Variants in NRXN3 observed in about 807,000 individuals in gnomAD.
NRXN3 encodes the protein neurexin III.
NRXN3 carries 32 observed loss-of-function variants against 137.6 expected under a neutral mutation model. That is an observed-to-expected ratio of 0.23 (90% CI 0.18 to 0.31). The LOEUF is 0.31. Ranked by LOEUF, NRXN3 falls within the 10% of genes least tolerant of loss-of-function variation. The probability of loss-of-function intolerance (pLI) is 1.00; values close to 1 mark genes in which losing one functional copy is unlikely to be tolerated. For missense variants in NRXN3, 1,574 were observed against 2,062.5 expected, an observed-to-expected ratio of 0.76 and a Z score of 4.59; for synonymous variants, 798 against 784.5, an observed-to-expected ratio of 1.02 and a Z score of -0.29.
chr14:79,120,275 T>C (rs1277423310), intron 15 of NRXN3, among the ~76,000 whole-genome samples: 1 of 152,156 alleles, frequency 6.6e-6, no homozygotes, highest in African/African-American at 2.4e-5. Flanking sequence ...ATCAACAAAA[T>C]TCCAGAGAAC....
At chr14:79,254,990 C>G (rs1244866822) in intron 15 of NRXN3, among the ~76,000 whole-genome samples, 1 of 152,132 alleles carries the variant, frequency 6.6e-6, no homozygotes, top group Non-Finnish European at 1.5e-5. Context: ...CGCTAACTCC[C>G]ATAATTGCTT....
At chr14:79,736,568 G>A (rs575852978) in intron 19 of NRXN3, among the ~76,000 whole-genome samples, 1 of 152,160 alleles carries the variant, frequency 6.6e-6, no homozygotes, top group Non-Finnish European at 1.5e-5. Flanking sequence ...ACACCAGGTC[G>A]TGGGGGTGAC....
chr14:78,287,075 A>G (rs934296137), intron 3 of NRXN3, among the ~76,000 whole-genome samples: 3 of 152,202 alleles, frequency 2.0e-5, no homozygotes, highest in Non-Finnish European at 2.9e-5. Context: ...TCACTAAACT[A>G]GGATAGTTCT....
intron 15 of NRXN3, among the ~76,000 whole-genome samples, chr14:79,045,529 A>G (rs1207708602): frequency 2.0e-5 from 3 of 152,118 alleles, no homozygotes; most frequent in African/African-American, 7.2e-5. Flanking sequence ...TAAACCACCT[A>G]GAACAAAGGG....
At position 79,267,218 on chromosome 14, in the gene NRXN3, T is replaced by C. The variant is rs1414461785; in HGVS notation, c.3263-200003T>C. On this transcript the variant is annotated intron_variant, in intron 15 of 20. Transcript: ENST00000335750. ...AAGAGAGATAATAATTTGATCACAG[T>C]TCTCTTTCTAAAAGCATTGCTTTAA... Among the ~76,000 whole-genome samples the C allele has an allele frequency of 3.3e-5, 5 of 152,278 alleles. No homozygotes were observed. The South Asian group carries it at 1.0e-3, about 32-fold the overall frequency.
At chr14:79,031,949 A>G (rs904959639) in intron 15 of NRXN3, among the ~76,000 whole-genome samples, 2 of 152,138 alleles carry the variant, frequency 1.3e-5, no homozygotes, top group African/African-American at 4.8e-5. Flanking sequence ...TTTTCTGAAC[A>G]TTCCTCCCCT....
chr14:78,279,240 A>G (rs2074058772), intron 3 of NRXN3, among the ~76,000 whole-genome samples: 1 of 152,250 alleles, frequency 6.6e-6, no homozygotes, highest in Admixed American at 6.5e-5. Flanking sequence ...GTCAATGGAA[A>G]AATTAAAGAA....
intron 19 of NRXN3, among the ~76,000 whole-genome samples, chr14:79,750,674 T>C (rs1010668783): frequency 2.0e-5 from 3 of 152,148 alleles, no homozygotes; most frequent in African/African-American, 4.8e-5. Context: ...GGTTATAGTA[T>C]TCAATGCCAT....
At chr14:79,344,110 T>C (rs1384799148) in intron 15 of NRXN3, among the ~76,000 whole-genome samples, 2 of 152,166 alleles carry the variant, frequency 1.3e-5, no homozygotes, top group African/African-American at 4.8e-5. Context: ...CACTTCTCTC[T>C]CAGGACTTTG....
At chr14:78,926,447 T>C (rs1179094908) in intron 10 of NRXN3, among the ~76,000 whole-genome samples, 1 of 149,960 alleles carries the variant, frequency 6.7e-6, no homozygotes, top group Non-Finnish European at 1.5e-5. Flanking sequence ...TGTTCATTGA[T>C]AACATAATTT....
At chr14:79,350,525 ACTCT>A (rs1370150114) in intron 15 of NRXN3, among the ~76,000 whole-genome samples, 1 of 151,794 alleles carries the variant, frequency 6.6e-6, no homozygotes, top group Admixed American at 6.6e-5. Context: ...AAGTCCATAA[ACTCT>A]CTCTTCTGCA....
chr14:79,859,734 G>A (rs143800757), intron 20 of NRXN3, among the ~76,000 whole-genome samples: 122 of 152,300 alleles, frequency 8.0e-4, no homozygotes, highest in African/African-American at 2.8e-3. Flanking sequence ...ACACACGTAC[G>A]TGGTACCAGT....
At chr14:79,253,557 G>C (rs2076209572) in intron 15 of NRXN3, among the ~76,000 whole-genome samples, 1 of 152,166 alleles carries the variant, frequency 6.6e-6, no homozygotes, top group Admixed American at 6.5e-5. Flanking sequence ...TATACTACCT[G>C]AAACAGGGTA....
intron 3 of NRXN3, chr14:78,282,166 C>G: frequency 2.0e-6 from 1 of 498,724 alleles, no homozygotes; most frequent in Non-Finnish European, 4.0e-6. Flanking sequence ...TTATCCCATG[C>G]TTTTGTACAT....
chr14:79,342,906 A>G (rs916696835), intron 15 of NRXN3, among the ~76,000 whole-genome samples: 1 of 152,186 alleles, frequency 6.6e-6, no homozygotes, highest in Non-Finnish European at 1.5e-5. Flanking sequence ...CTATTACTCA[A>G]ATCAGTTTCC....
At chr14:78,792,127 G>A (rs543239677) in intron 8 of NRXN3, among the ~76,000 whole-genome samples, 50 of 150,936 alleles carry the variant, frequency 3.3e-4, no homozygotes, top group Admixed American at 1.6e-3. Flanking sequence ...AAAATTTCCC[G>A]TGAGCTACAT....
chr14:79,805,432 A>G (rs931423926), intron 20 of NRXN3, among the ~76,000 whole-genome samples: 9 of 152,128 alleles, frequency 5.9e-5, no homozygotes, highest in Non-Finnish European at 1.2e-4. Flanking sequence ...ATAGCTAACA[A>G]AAAATCATGG....
intron 15 of NRXN3, among the ~76,000 whole-genome samples, chr14:79,096,337 T>G (rs2050328624): frequency 6.6e-6 from 1 of 152,120 alleles, no homozygotes. Context: ...CTCTAACTCC[T>G]GAGCTCAGGC....
chr14:79,519,215 C>T (rs543243208), intron 16 of NRXN3, among the ~76,000 whole-genome samples: 4 of 152,150 alleles, frequency 2.6e-5, no homozygotes, highest in African/African-American at 4.8e-5. Flanking sequence ...TATATTTGCA[C>T]AGAGTTAGCC....
Sources: allele counts gnomAD v4.1 joint callset (sites outside exome capture counted in the v4.1 genomes callset), GRCh38; gene constraint gnomAD v4.1.1; transcripts MANE v1.5; gene names NCBI Gene and HGNC (gene_info 2026-07-23, HGNC 2026-07-21).